MAGI2: variants seen among roughly 807,000 people sequenced by gnomAD.
The protein encoded by MAGI2 is membrane-associated guanylate kinase, WW and PDZ domain-containing protein 2.
In MAGI2, 35 loss-of-function variants were observed where a neutral mutation model predicts 133.3. That is an observed-to-expected ratio of 0.26 (90% CI 0.20 to 0.35). The LOEUF (loss-of-function observed/expected upper bound fraction) is 0.35, where lower values mean the gene tolerates loss of function less well. Among genes scored for constraint, MAGI2 ranks in the 10% least tolerant of loss-of-function variants. MAGI2 has a pLI of 1.00. For synonymous variants in MAGI2, 729 were observed against 710.6 expected (o/e 1.03, Z -0.41); for missense variants, 1,636 against 1,863.4 (o/e 0.88, Z 2.25).
intron 2 of MAGI2, among the ~76,000 whole-genome samples, chr7:78,913,340 T>C (rs1038405399): frequency 1.3e-5 from 2 of 152,108 alleles, no homozygotes; most frequent in Non-Finnish European, 2.9e-5. Context: ...TCTGGCTGTT[T>C]AAAAGTGTGT....
chr7:78,620,482 G>A (rs2150937526), intron 3 of MAGI2, among the ~76,000 whole-genome samples: 1 of 152,016 alleles, frequency 6.6e-6, no homozygotes, highest in Non-Finnish European at 1.5e-5. Context: ...ATTTCTATAG[G>A]ATTTTATGTG....
At chr7:79,256,982 G>C (rs968097733) in intron 1 of MAGI2, among the ~76,000 whole-genome samples, 1 of 151,988 alleles carries the variant, frequency 6.6e-6, no homozygotes, top group African/African-American at 2.4e-5. Flanking sequence ...TGTACAACAT[G>C]GTGACTATAG....
At chr7:79,274,572 ATTATATTATATAT>A (rs1402417523) in intron 1 of MAGI2, among the ~76,000 whole-genome samples, 3 of 116,954 alleles carry the variant, frequency 2.6e-5, no homozygotes, top group Non-Finnish European at 5.9e-5. Flanking sequence ...CCATATATAT[ATTATATTATATAT>A]TTTTTTTCAA....
chr7:78,841,759 C>T (rs978011798), intron 2 of MAGI2, among the ~76,000 whole-genome samples: 5 of 151,978 alleles, frequency 3.3e-5, no homozygotes, highest in South Asian at 2.1e-4. Flanking sequence ...AATGGTTATC[C>T]GGGAGAATTC....
At chr7:79,314,136 G>C (rs931463583) in intron 1 of MAGI2, among the ~76,000 whole-genome samples, 1 of 152,156 alleles carries the variant, frequency 6.6e-6, no homozygotes, top group African/African-American at 2.4e-5. Flanking sequence ...ACCATGCCCA[G>C]CTAATTTTTA....
chr7:78,800,300 AG>A (rs1361124259), intron 2 of MAGI2, among the ~76,000 whole-genome samples: 1 of 152,104 alleles, frequency 6.6e-6, no homozygotes, highest in Non-Finnish European at 1.5e-5. Flanking sequence ...GGTAGGCATG[AG>A]GGGTGATGTA....
chr7:79,105,625 T>C (rs369881705), intron 1 of MAGI2, among the ~76,000 whole-genome samples: 12 of 152,304 alleles, frequency 7.9e-5, no homozygotes, highest in Middle Eastern at 6.8e-3. Context: ...CCAGCTGTTA[T>C]ACAGTTAGGA....
intron 1 of MAGI2, among the ~76,000 whole-genome samples, chr7:79,310,362 G>C (rs1477093632): frequency 6.6e-6 from 1 of 151,942 alleles, no homozygotes; most frequent in East Asian, 1.9e-4. Context: ...GAGGGAAAGG[G>C]AAGTGGTGTT....
intron 2 of MAGI2, among the ~76,000 whole-genome samples, chr7:78,885,799 AC>A (rs1391019750): frequency 6.6e-6 from 1 of 152,198 alleles, no homozygotes; most frequent in Admixed American, 6.5e-5. Context: ...AGCATTCTTT[AC>A]CATCTGCTGA....
chr7:78,645,576 A>C (rs914622457), intron 2 of MAGI2, among the ~76,000 whole-genome samples: 33 of 152,014 alleles, frequency 2.2e-4, no homozygotes, highest in Admixed American at 2.0e-3. Context: ...ATGGATACAG[A>C]AAGAAAATCC....
At chr7:78,245,995 C>T (rs1791741131) in intron 10 of MAGI2, among the ~76,000 whole-genome samples, 1 of 152,140 alleles carries the variant, frequency 6.6e-6, no homozygotes, top group Non-Finnish European at 1.5e-5. Flanking sequence ...TTCAGTGGTT[C>T]ACCATCCCTG....
chr7:78,120,290 C>T lies in MAGI2; in HGVS notation c.3567+5404G>A, dbSNP rs546970941. 1.3e-4 allele frequency among the ~76,000 whole-genome samples: 20 copies of T among 152,256 alleles called. No homozygotes were observed. In the East Asian group the frequency reaches 3.9e-3, roughly 29 times the overall value. On this transcript the variant is annotated intron_variant, in intron 20 of 21. Coordinates refer to ENST00000354212, the MANE Select transcript of MAGI2 (RefSeq NM_012301.4). Reference sequence around the variant, plus strand: ...TGGTGGCAGGTGCCTGTAGTCCCAGCTACTCAGGAGGCTGAGGCAGGAAAA... The same window carrying T: ...TGGTGGCAGGTGCCTGTAGTCCCAGTTACTCAGGAGGCTGAGGCAGGAAAA...
At chr7:78,282,065 G>GAAAC (rs1006300628) in intron 9 of MAGI2, among the ~76,000 whole-genome samples, 1 of 152,012 alleles carries the variant, frequency 6.6e-6, no homozygotes, top group Non-Finnish European at 1.5e-5. Flanking sequence ...CTTCATCTAT[G>GAAAC]AAACAGACAT....
At chr7:79,373,159 A>G (rs556138149) in intron 1 of MAGI2, among the ~76,000 whole-genome samples, 1 of 152,212 alleles carries the variant, frequency 6.6e-6, no homozygotes, top group South Asian at 2.1e-4. Context: ...CAATCTGCAG[A>G]TATTACATTT....
chr7:78,616,732 T>C (rs1017590240), intron 3 of MAGI2: 24 of 152,200 alleles, frequency 1.6e-4, no homozygotes, highest in African/African-American at 5.8e-4. Flanking sequence ...CTTCAAAGTA[T>C]TGGCCTAGAG....
intron 4 of MAGI2, among the ~76,000 whole-genome samples, chr7:78,515,783 C>T (rs1480215717): frequency 2.6e-5 from 4 of 151,972 alleles, no homozygotes; most frequent in African/African-American, 9.7e-5. Flanking sequence ...CCTATAATCC[C>T]AGCTACTTGG....
At chr7:79,285,455 T>C (rs1835931300) in intron 1 of MAGI2, among the ~76,000 whole-genome samples, 1 of 152,076 alleles carries the variant, frequency 6.6e-6, no homozygotes, top group Admixed American at 6.6e-5. Context: ...GAAAAAGATA[T>C]TCACCTCAGT....
At chr7:79,266,369 C>A (rs985512973) in intron 1 of MAGI2, among the ~76,000 whole-genome samples, 3 of 151,748 alleles carry the variant, frequency 2.0e-5, no homozygotes, top group Admixed American at 6.6e-5. Flanking sequence ...CTAAAGATAC[C>A]CTTATTTTTC....
chr7:79,349,680 C>G (rs1338493828), intron 1 of MAGI2, among the ~76,000 whole-genome samples: 3 of 152,030 alleles, frequency 2.0e-5, no homozygotes. Context: ...TGCTTATAAT[C>G]TGTGCTCTTA....
Sources: allele counts gnomAD v4.1 joint callset (sites outside exome capture counted in the v4.1 genomes callset), GRCh38; gene constraint gnomAD v4.1.1; transcripts MANE v1.5; gene names NCBI Gene and HGNC (gene_info 2026-07-23, HGNC 2026-07-21).